Variants in CFAP20DC observed in about 807,000 individuals in gnomAD.
CFAP20DC encodes protein CFAP20DC.
A neutral mutation model predicts 101.7 loss-of-function variants in CFAP20DC; 84 were observed. That is an observed-to-expected ratio of 0.83 (90% CI 0.69 to 0.99). The LOEUF is 0.99. Ranked by LOEUF, CFAP20DC falls within the 50% of genes least tolerant of loss-of-function variation. CFAP20DC has a pLI of 0.00. For synonymous variants in CFAP20DC, 359 were observed against 351.2 expected (o/e 1.02, Z -0.25); for missense variants, 1,007 against 970.3 (o/e 1.04, Z -0.50).
At chr3:58,890,672 G>T (rs1355318015) in intron 6 of CFAP20DC, among the ~76,000 whole-genome samples, 1 of 150,320 alleles carries the variant, frequency 6.7e-6, no homozygotes, top group Non-Finnish European at 1.5e-5. Context: ...TTCAGACGGG[G>T]TGGTTGCCAG....
chr3:58,960,491 C>CAA (rs931283893), intron 4 of CFAP20DC, among the ~76,000 whole-genome samples: 33 of 96,536 alleles, frequency 3.4e-4, no homozygotes, highest in Middle Eastern at 0.013. Flanking sequence ...GACTCTGTCT[C>CAA]AAAAAAAAAA....
Position 58,869,613 on chromosome 3 carries a change from G to T in CFAP20DC, c.853-123C>A. 1 of 652,880 alleles carries T rather than the reference G, an allele frequency of 1.5e-6. No individual in the cohort carries two copies. The highest frequency in any genetic ancestry group is 2.4e-6 in the Non-Finnish European group (1 of 420,770). The allele number at this position is 652,880 out of a possible 1,614,324, so 40.4% of individuals were successfully genotyped here. ...TGAGAAAAAAACTAGAGGAAATGAG[G>T]TTAAGATGTGAAGAAAAAGGAAATT... On this transcript the variant is annotated intron_variant, in intron 8 of 16. Coordinates refer to ENST00000482387, the MANE Select transcript of CFAP20DC (RefSeq NM_001394063.1). This position sits in a 1 kb window ranked among gnomAD's most constrained non-coding sequence, Gnocchi z 4.3.
rs1358251312 is a variant in CFAP20DC, at chr3:58,861,797, T to C, written c.1593+1761A>G. 1.0e-6 allele frequency: 1 copy of C among 985,366 alleles called. No individual in the cohort carries two copies. Among genetic ancestry groups the C allele is most frequent in the East Asian group, 1.1e-4 (1 of 8,826 alleles). The allele number at this position is 985,366 out of a possible 1,614,324, so 61.0% of individuals were successfully genotyped here. ...GGTCTCACCACAGACTCTAGCCGTA[T>C]GCTACTGGTCACCTTGATGGGCATG... On this transcript the variant is annotated intron_variant, in intron 12 of 16. Coordinates refer to ENST00000482387, the MANE Select transcript of CFAP20DC (RefSeq NM_001394063.1). This position sits in a 1 kb window ranked among gnomAD's most constrained non-coding sequence, Gnocchi z 4.0.
At chr3:58,949,618 A>G (rs559546732) in intron 4 of CFAP20DC, among the ~76,000 whole-genome samples, 1 of 152,012 alleles carries the variant, frequency 6.6e-6, no homozygotes, top group African/African-American at 2.4e-5. Flanking sequence ...ATCCTGAGTT[A>G]TAGTTTGATT....
At chr3:58,805,764 T>C (rs2074009636) in intron 15 of CFAP20DC, among the ~76,000 whole-genome samples, 1 of 152,266 alleles carries the variant, frequency 6.6e-6, no homozygotes, top group African/African-American at 2.4e-5. Context: ...ATACAGCATG[T>C]ATTTCAAAAC....
chr3:58,913,575 A>G lies in CFAP20DC; in HGVS notation c.550+133T>C, dbSNP rs905815307. ...TTTGATCTAGAACAAAGAAATCAGC[A>G]TGACTGTTGACAAATTTACTTTAGC... On this transcript the variant is annotated intron_variant, in intron 6 of 16. Transcript: ENST00000482387. The surrounding 1 kb of genome is among the most constrained non-coding windows in gnomAD (Gnocchi z 4.4). 3 of 836,338 alleles carry G rather than the reference A, an allele frequency of 3.6e-6. No individual in the cohort carries two copies. In the East Asian group the frequency reaches 7.6e-5, roughly 21 times the overall value. The allele number at this position is 836,338 out of a possible 1,614,324, so 51.8% of individuals were successfully genotyped here.
intron 4 of CFAP20DC, among the ~76,000 whole-genome samples, chr3:58,994,947 C>G (rs2093065294): frequency 6.6e-6 from 1 of 152,018 alleles, no homozygotes; most frequent in Non-Finnish European, 1.5e-5. Context: ...AGCTATGGTA[C>G]TATTCGTTAA....
Position 59,049,682 on chromosome 3 carries a change from G to A in CFAP20DC, c.-51C>T, listed in dbSNP as rs1232608457. 47 of 1,531,930 alleles carry A rather than the reference G, an allele frequency of 3.1e-5. No homozygotes were observed. The highest frequency in any genetic ancestry group is 4.1e-5 in the Non-Finnish European group (47 of 1,144,518). The allele number at this position is 1,531,930 out of a possible 1,614,324, so 94.9% of individuals were successfully genotyped here. ...GGGCACAGAGTTCAGGGTTTCCAGC[G>A]AGTGGCGTGACCCTGACGGCTGGAA... is the stretch of plus-strand genomic sequence containing the variant. On this transcript the variant is annotated 5_prime_UTR_variant, in exon 1 of 17. Transcript: ENST00000482387.
At chr3:58,796,718 G>C (rs2073277100) in intron 15 of CFAP20DC, among the ~76,000 whole-genome samples, 1 of 152,178 alleles carries the variant, frequency 6.6e-6, no homozygotes, top group Admixed American at 6.5e-5. Flanking sequence ...GTTCTTCACA[G>C]ATGCTGAATT....
intron 4 of CFAP20DC, among the ~76,000 whole-genome samples, chr3:58,942,535 T>C (rs986900530): frequency 6.6e-6 from 1 of 152,200 alleles, no homozygotes; most frequent in African/African-American, 2.4e-5. Flanking sequence ...GAACGGTGCA[T>C]TCTGGCCCAG....
chr3:58,962,838 C>G (rs956188974), intron 4 of CFAP20DC, among the ~76,000 whole-genome samples: 1 of 152,052 alleles, frequency 6.6e-6, no homozygotes, highest in Non-Finnish European at 1.5e-5. Flanking sequence ...GAGCACGTAG[C>G]TTCCTGACCC....
chr3:59,029,517 A>G (rs1303986143), intron 4 of CFAP20DC, among the ~76,000 whole-genome samples: 3 of 152,112 alleles, frequency 2.0e-5, no homozygotes, highest in Non-Finnish European at 4.4e-5. Flanking sequence ...GACCCTAAGA[A>G]GAGACTTCAC....
At position 58,816,640 on chromosome 3, in the gene CFAP20DC, C is replaced by T. The variant is rs865881535; in HGVS notation, c.2176-10184G>A. ...TCCCACACCTGGCTCGAGGGTCCTA[C>T]GCCCACGGAATCTTGCTGATTGCTA... On this transcript the variant is annotated intron_variant, in intron 14 of 16. Transcript: ENST00000482387. 8.0e-4 allele frequency among the ~76,000 whole-genome samples: 122 copies of T among 152,244 alleles called. No individual in the cohort carries two copies. The Middle Eastern group carries it at 0.01, about 13-fold the overall frequency.
Position 59,008,104 on chromosome 3 carries a change from A to G in CFAP20DC, c.278+31453T>C, listed in dbSNP as rs2093481583. Among the ~76,000 whole-genome samples, 3 of 152,130 alleles carry G rather than the reference A, an allele frequency of 2.0e-5. 1 individual carries two copies. In the South Asian group the frequency reaches 6.2e-4, roughly 32 times the overall value. On this transcript the variant is annotated intron_variant, in intron 4 of 16. Coordinates refer to ENST00000482387, the MANE Select transcript of CFAP20DC (RefSeq NM_001394063.1). ...ACTTATAGACAGCCTTTCTGGAAAA[A>G]TCCAGGGTGAGTGCAGCCCCACAGA...
chr3:59,047,922 A>C, intron 1 of CFAP20DC, among the ~76,000 whole-genome samples: 1 of 152,228 alleles, frequency 6.6e-6, no homozygotes, highest in East Asian at 1.9e-4. Flanking sequence ...AGGGATTTGG[A>C]AATTCCTATT....
rs1214009522 is a variant in CFAP20DC, at chr3:58,912,579, T to C, written c.550+1129A>G. On this transcript the variant is annotated intron_variant, in intron 6 of 16. Coordinates refer to ENST00000482387, the MANE Select transcript of CFAP20DC (RefSeq NM_001394063.1). The surrounding 1 kb of genome is among the most constrained non-coding windows in gnomAD (Gnocchi z 4.4). ...CTAAGTAATCACCTTTGACATCTTA[T>C]ATGCAGCCCTGCTTCCTGGACTTCT... is the stretch of plus-strand genomic sequence containing the variant. 3.5e-5 allele frequency: 13 copies of C among 366,892 alleles called. No homozygotes were observed. Among genetic ancestry groups the C allele is most frequent in the South Asian group, 1.7e-4 (8 of 46,522 alleles). 22.7% of individuals were successfully genotyped at this position (366,892 alleles called of 1,614,324 possible). A position where few individuals can be genotyped will look rare whatever the true frequency, so the allele number is the denominator to read the frequency against.
chr3:59,048,354 C>A (rs535144625), intron 1 of CFAP20DC, among the ~76,000 whole-genome samples: 4 of 152,272 alleles, frequency 2.6e-5, no homozygotes, highest in African/African-American at 7.2e-5. Flanking sequence ...TTAATGTCTT[C>A]TTCCTTAGGC....
In CFAP20DC at chr3:58,849,128, C is replaced by T. The variant is rs943730544; in HGVS notation, c.1875G>A (p.Ala625=). 8.5e-6 allele frequency: 13 copies of T among 1,536,062 alleles called. No individual in the cohort carries two copies. Among genetic ancestry groups the T allele is most frequent in the Admixed American group, 5.9e-5 (3 of 50,986 alleles). The change falls in exon 13 of 17, where the codon GCG becomes GCA. Residue 625 remains alanine (A), a synonymous_variant. Coordinates refer to ENST00000482387, the MANE Select transcript of CFAP20DC (RefSeq NM_001394063.1). ...CQKTPEPVIK[A]KDLSAQQVPA... The stretch of plus-strand genomic sequence containing the variant: ...GCACTTGCTGGGCTGATAGATCCTT[C>T]GCTTTGATTACGGGCTCTGGAGTTT...
intron 4 of CFAP20DC, among the ~76,000 whole-genome samples, chr3:59,003,596 C>T (rs1206129182): frequency 1.3e-5 from 2 of 152,098 alleles, no homozygotes; most frequent in Admixed American, 6.5e-5. Context: ...TACAAACAGA[C>T]GAAATCTCAA....
Sources: allele counts gnomAD v4.1 joint callset (sites outside exome capture counted in the v4.1 genomes callset), GRCh38; gene constraint gnomAD v4.1.1; non-coding constraint Gnocchi (gnomAD v3.1); transcripts MANE v1.5; gene names NCBI Gene and HGNC (gene_info 2026-07-23, HGNC 2026-07-21).